GPRC5A: variants seen among roughly 807,000 people sequenced by gnomAD.
The protein encoded by GPRC5A is retinoic acid-induced protein 3.
In GPRC5A, 19 loss-of-function variants were observed where a neutral mutation model predicts 22.5. The ratio of observed to expected loss-of-function variants is 0.85; its 90% CI spans 0.59 to 1.24. GPRC5A has a LOEUF of 1.24. Among genes scored for constraint, GPRC5A ranks in the 50% most tolerant of loss-of-function variants. The pLI is 0.00. For synonymous variants in GPRC5A, 192 were observed against 184.5 expected, an observed-to-expected ratio of 1.04 and a Z score of -0.33; for missense variants, 471 against 451.1, an observed-to-expected ratio of 1.04 and a Z score of -0.40.
At position 12,916,217 on chromosome 12, in the gene GPRC5A, T is replaced by G. The variant is rs1225817049; in HGVS notation, c.*3678T>G. 6.5e-6 allele frequency: 1 copy of G among 154,172 alleles called. No homozygotes were observed. Among genetic ancestry groups the G allele is most frequent in the Non-Finnish European group, 1.4e-5 (1 of 69,078 alleles). 9.6% of individuals were successfully genotyped at this position (154,172 alleles called of 1,614,324 possible). On this transcript the variant is annotated 3_prime_UTR_variant, in exon 4 of 4. Transcript: ENST00000014914. Reference sequence around the variant, plus strand: ...TGCAAATGTAGCCCAGCCTGGTCCTTGGGTGTTGCCAGTTGATTGATGACT... The same window carrying G: ...TGCAAATGTAGCCCAGCCTGGTCCTGGGGTGTTGCCAGTTGATTGATGACT...
Position 12,915,514 on chromosome 12 carries a change from A to G in GPRC5A, c.*2975A>G, listed in dbSNP as rs1210488359. 1 of 154,012 alleles carries G rather than the reference A, an allele frequency of 6.5e-6. No homozygotes were observed. The highest frequency in any genetic ancestry group is 2.4e-5 in the African/African-American group (1 of 41,280). The allele number at this position is 154,012 out of a possible 1,614,324, so 9.5% of individuals were successfully genotyped here. A position where few individuals can be genotyped will look rare whatever the true frequency, so the allele number is the denominator to read the frequency against. On this transcript the variant is annotated 3_prime_UTR_variant, in exon 4 of 4. Transcript: ENST00000014914. ...CCCGGCCTGCTTTCTTTTTAGTGAA[A>G]AGGATCTGTGGGAGCTTTTATTCCC...
In GPRC5A at chr12:12,917,481, C is replaced by A. The variant is rs1864078050; in HGVS notation, c.*4942C>A. The A allele has an allele frequency of 6.6e-6, 1 of 152,030 alleles. No individual in the cohort carries two copies. The highest frequency in any genetic ancestry group is 1.9e-4 in the East Asian group (1 of 5,188). The allele number at this position is 152,030 out of a possible 1,614,324, so 9.4% of individuals were successfully genotyped here. On this transcript the variant is annotated 3_prime_UTR_variant, in exon 4 of 4. Coordinates refer to ENST00000014914, the MANE Select transcript of GPRC5A (RefSeq NM_003979.4). The stretch of plus-strand genomic sequence containing the variant: ...GTCTGTGTTCTTTCTACCGTCAGCA[C>A]CTGTGTGGTCAATTCTGGACACTTC...
chr12:12,912,907 G>A lies in GPRC5A; in HGVS notation c.*368G>A, dbSNP rs369565365. On this transcript the variant is annotated 3_prime_UTR_variant, in exon 4 of 4. Coordinates refer to ENST00000014914, the MANE Select transcript of GPRC5A (RefSeq NM_003979.4). The stretch of plus-strand genomic sequence containing the variant: ...TGCGATCACAGCCCAGTGCAGCCTC[G>A]ACCACCTGTGCTCAAGCAATCCTCC... 2 of 187,722 alleles carry A rather than the reference G, an allele frequency of 1.1e-5. No individual in the cohort carries two copies. Among genetic ancestry groups the A allele is most frequent in the East Asian group, 1.4e-4 (1 of 7,172 alleles). The allele number at this position is 187,722 out of a possible 1,614,324, so 11.6% of individuals were successfully genotyped here.
Position 12,912,594 on chromosome 12 carries a change from C to A in GPRC5A, c.*55C>A. On this transcript the variant is annotated 3_prime_UTR_variant, in exon 4 of 4. Transcript: ENST00000014914. ...CCGGGCGGCAGATCTAGCGGGAGCT[C>A]AAAGGGATGTGGGCGAAATCTTGAG... 9.5e-7 allele frequency: 1 copy of A among 1,047,370 alleles called. No individual in the cohort carries two copies. 64.9% of individuals were successfully genotyped at this position (1,047,370 alleles called of 1,614,324 possible). A position where few individuals can be genotyped will look rare whatever the true frequency, so the allele number is the denominator to read the frequency against.
intron 1 of GPRC5A, among the ~76,000 whole-genome samples, chr12:12,899,972 C>T (rs574718875): frequency 1.3e-5 from 2 of 152,320 alleles, no homozygotes; most frequent in South Asian, 4.1e-4. Flanking sequence ...GGCCTAGTCA[C>T]AAGCAACTCT....
At chr12:12,897,659 A>G (rs1592347267) in intron 1 of GPRC5A, among the ~76,000 whole-genome samples, 1 of 134,528 alleles carries the variant, frequency 7.4e-6, no homozygotes, top group East Asian at 2.2e-4. Context: ...CCTAGGCTGG[A>G]GTGTAGTGGC....
Position 12,917,382 on chromosome 12 carries a change from G to A in GPRC5A, c.*4843G>A, listed in dbSNP as rs959607159. 6.6e-6 allele frequency: 1 copy of A among 151,968 alleles called. No individual in the cohort carries two copies. The highest frequency in any genetic ancestry group is 1.5e-5 in the Non-Finnish European group (1 of 68,012). 9.4% of individuals were successfully genotyped at this position (151,968 alleles called of 1,614,324 possible). On this transcript the variant is annotated 3_prime_UTR_variant, in exon 4 of 4. Coordinates refer to ENST00000014914, the MANE Select transcript of GPRC5A (RefSeq NM_003979.4). ...AGAAGGTCACAGAAATCCTCTAGTT[G>A]GTGCCTCCACAGTCTTCATTTTACA... is the stretch of plus-strand genomic sequence containing the variant.
intron 2 of GPRC5A, among the ~76,000 whole-genome samples, chr12:12,911,488 CTTTT>C (rs985574641): frequency 7.0e-6 from 1 of 142,588 alleles, no homozygotes; most frequent in African/African-American, 2.6e-5. Flanking sequence ...ATGACTTTTT[CTTTT>C]TTTTTTTTTT....
At chr12:12,897,637 C>G (rs1382159285) in intron 1 of GPRC5A, among the ~76,000 whole-genome samples, 1 of 143,828 alleles carries the variant, frequency 7.0e-6, no homozygotes, top group African/African-American at 2.6e-5. Context: ...GAGACCATGT[C>G]TCACTCTGTT....
chr12:12,904,583 C>T (rs1030164168), intron 1 of GPRC5A, among the ~76,000 whole-genome samples: 1 of 152,098 alleles, frequency 6.6e-6, no homozygotes, highest in African/African-American at 2.4e-5. Flanking sequence ...GTGATCAGCA[C>T]ATAGTGGTGC....
At chr12:12,894,476 T>C (rs758256504) in intron 1 of GPRC5A, among the ~76,000 whole-genome samples, 10 of 152,098 alleles carry the variant, frequency 6.6e-5, no homozygotes, top group Non-Finnish European at 7.4e-5. Flanking sequence ...TGGCACAATC[T>C]TGGCTGACTG....
Position 12,916,723 on chromosome 12 carries a change from C to G in GPRC5A, c.*4184C>G, listed in dbSNP as rs1346512164. On this transcript the variant is annotated 3_prime_UTR_variant, in exon 4 of 4. Transcript: ENST00000014914. ...TCTTTACGGAGAGCGGTCTCATATG[C>G]TATTGTTGTTAACGTGGACTAGTAT... The G allele has an allele frequency of 6.6e-6, 1 of 152,158 alleles. No homozygotes were observed. Among genetic ancestry groups the G allele is most frequent in the African/African-American group, 2.4e-5 (1 of 41,430 alleles). The allele number at this position is 152,158 out of a possible 1,614,324, so 9.4% of individuals were successfully genotyped here. A position where few individuals can be genotyped will look rare whatever the true frequency, so the allele number is the denominator to read the frequency against.
intron 1 of GPRC5A, among the ~76,000 whole-genome samples, chr12:12,893,062 T>G (rs1460873359): frequency 6.6e-6 from 1 of 152,134 alleles, no homozygotes; most frequent in African/African-American, 2.4e-5. Context: ...AAGGGCAGAA[T>G]GGAATGAGCA....
At chr12:12,909,372 CT>C (rs1863980109) in intron 2 of GPRC5A, 1 of 547,622 alleles carries the variant, frequency 1.8e-6, no homozygotes, top group Non-Finnish European at 3.2e-6. Context: ...CCTCTGGAGT[CT>C]TTATTGAGTA....
Position 12,912,635 on chromosome 12 carries a change from G to T in GPRC5A, c.*96G>T, listed in dbSNP as rs1049919711. 3 of 758,274 alleles carry T rather than the reference G, an allele frequency of 4.0e-6. No homozygotes were observed. Among genetic ancestry groups the T allele is most frequent in the Non-Finnish European group, 7.0e-6 (3 of 426,312 alleles). The allele number at this position is 758,274 out of a possible 1,614,324, so 47.0% of individuals were successfully genotyped here. ...AAATCTTGAGTCTTCTGAGAAAACT[G>T]TACAAGACACTACGGGAACAGTTTG... On this transcript the variant is annotated 3_prime_UTR_variant, in exon 4 of 4. Coordinates refer to ENST00000014914, the MANE Select transcript of GPRC5A (RefSeq NM_003979.4).
chr12:12,905,587 C>T (rs535618071), intron 1 of GPRC5A, among the ~76,000 whole-genome samples: 3 of 152,262 alleles, frequency 2.0e-5, no homozygotes, highest in South Asian at 4.1e-4. Context: ...TATGTCTAGC[C>T]TTGTTGAATC....
rs1863758386 is a variant in GPRC5A, at chr12:12,891,597, A to C, written c.-75A>C. The C allele has an allele frequency of 6.6e-6, 1 of 152,250 alleles. No individual in the cohort carries two copies. Among genetic ancestry groups the C allele is most frequent in the Admixed American group, 6.5e-5 (1 of 15,286 alleles). The allele number at this position is 152,250 out of a possible 1,614,324, so 9.4% of individuals were successfully genotyped here. A position where few individuals can be genotyped will look rare whatever the true frequency, so the allele number is the denominator to read the frequency against. The stretch of plus-strand genomic sequence containing the variant: ...TCCAAGGTCTCCCCCAGCACTGAGG[A>C]GCTCGCCTGCTGCCCTCTTGCGCGC... On this transcript the variant is annotated 5_prime_UTR_variant, in exon 1 of 4. Coordinates refer to ENST00000014914, the MANE Select transcript of GPRC5A (RefSeq NM_003979.4).
Position 12,909,133 on chromosome 12 carries a change from T to C in GPRC5A, c.884T>C (p.Val295Ala), listed in dbSNP as rs766567837. 4 of 1,598,886 alleles carry C rather than the reference T, an allele frequency of 2.5e-6. No individual in the cohort carries two copies. The highest frequency in any genetic ancestry group is 2.2e-5 in the East Asian group (1 of 44,872). ...KPQLVKKSYG[V>A]ENRAYSQEEI... Reference sequence around the variant, plus strand: ...CAACTCGTGAAGAAGAGCTATGGTGTGGAGAACAGAGCCTACTCTCAAGAG... The same window carrying C: ...CAACTCGTGAAGAAGAGCTATGGTGCGGAGAACAGAGCCTACTCTCAAGAG... The change falls in exon 2 of 4, where the codon GTG becomes GCG. Residue 295 changes from valine to alanine, a missense_variant. Coordinates refer to ENST00000014914, the MANE Select transcript of GPRC5A (RefSeq NM_003979.4).
intron 3 of GPRC5A, 132 bp from the exon 4 acceptor site, chr12:12,912,315 T>G: frequency 2.4e-6 from 2 of 841,476 alleles, no homozygotes; most frequent in East Asian, 4.8e-5. Context: ...GAATGAGTGC[T>G]TGGCATAGAG....
Sources: gnomAD v4.1 joint callset for allele counts (sites outside exome capture counted in the v4.1 genomes callset) on GRCh38, gnomAD v4.1.1 for gene constraint, MANE v1.5 for transcripts, NCBI Gene and HGNC (gene_info 2026-07-23, HGNC 2026-07-21) for gene names.